Variants in HECTD4 observed in about 807,000 individuals in gnomAD.
HECTD4 encodes the protein probable E3 ubiquitin-protein ligase HECTD4.
In HECTD4, 114 loss-of-function variants were observed where a neutral mutation model predicts 471.5. That is an observed-to-expected ratio of 0.24 (90% CI 0.21 to 0.28). The LOEUF (loss-of-function observed/expected upper bound fraction) is 0.28. HECTD4 is among the 10% of genes least tolerant of loss of function. HECTD4 has a pLI of 1.00. For synonymous variants in HECTD4, 2,012 were observed against 2,256.0 expected, an observed-to-expected ratio of 0.89 and a Z score of 3.07; for missense variants, 3,866 against 5,651.5, an observed-to-expected ratio of 0.68 and a Z score of 10.13.
chr12:112,243,803 C>T lies in HECTD4; in HGVS notation c.4650-42G>A. The T allele has an allele frequency of 6.2e-7, 1 of 1,609,780 alleles. No homozygotes were observed. Among genetic ancestry groups the T allele is most frequent in the Non-Finnish European group, 8.5e-7 (1 of 1,176,666 alleles). On this transcript the variant is annotated intron_variant, in intron 30 of 75. Transcript: ENST00000682272. This position sits in a 1 kb window ranked among gnomAD's most constrained non-coding sequence, Gnocchi z 6.6. ...ACAGACTGGCAAGACGAGAAACACACTCAGGGAGCTTGTTTTGATGAATGC... is the reference window on the plus strand; with the variant it reads ...ACAGACTGGCAAGACGAGAAACACATTCAGGGAGCTTGTTTTGATGAATGC...
chr12:112,344,912 C>G (rs1282985017), intron 1 of HECTD4, among the ~76,000 whole-genome samples: 1 of 151,462 alleles, frequency 6.6e-6, no homozygotes, highest in African/African-American at 2.4e-5. Flanking sequence ...GAATGAAACT[C>G]CGTCTCAAAA....
chr12:112,177,857 C>T (rs1220256990), intron 64 of HECTD4, among the ~76,000 whole-genome samples: 1 of 152,182 alleles, frequency 6.6e-6, no homozygotes, highest in East Asian at 1.9e-4. Context: ...CCAAAAGCTA[C>T]AGAAGTAACC....
At chr12:112,314,404 G>A (rs552380601) in intron 3 of HECTD4, 53 bp downstream of exon 3, 1 of 865,594 alleles carries the variant, frequency 1.2e-6, no homozygotes, top group South Asian at 1.5e-5. Context: ...GAAGCATTTG[G>A]CACAAATCTG....
chr12:112,234,398 T>C (rs1456792290), intron 37 of HECTD4, among the ~76,000 whole-genome samples: 2 of 152,154 alleles, frequency 1.3e-5, no homozygotes, highest in African/African-American at 2.4e-5. Context: ...TCAGTTGCCA[T>C]AATGGCAGAC....
At chr12:112,324,049 T>TTCCTTCCTTCCTTC (rs2035679196) in intron 1 of HECTD4, among the ~76,000 whole-genome samples, 1 of 55,204 alleles carries the variant, frequency 1.8e-5, no homozygotes, top group Non-Finnish European at 2.9e-5. Context: ...TTCCTTCCTT[T>TTCCTTCCTTCCTTC]CTTTCTTTCT....
intron 1 of HECTD4, among the ~76,000 whole-genome samples, chr12:112,325,816 T>C (rs2135709736): frequency 6.6e-6 from 1 of 151,814 alleles, no homozygotes; most frequent in Admixed American, 6.6e-5. Flanking sequence ...TGTTGCCGTT[T>C]TTTTTTTTTT....
intron 49 of HECTD4, among the ~76,000 whole-genome samples, chr12:112,211,347 C>T (rs899958523): frequency 2.6e-5 from 4 of 152,016 alleles, no homozygotes; most frequent in African/African-American, 9.7e-5. Flanking sequence ...TCCAGAGCAG[C>T]GGGGACTACT....
chr12:112,195,451 C>A (rs1199267595), intron 55 of HECTD4, among the ~76,000 whole-genome samples: 3 of 152,118 alleles, frequency 2.0e-5, no homozygotes, highest in South Asian at 2.1e-4. Context: ...GACTGACATA[C>A]GCCACAATGG....
At chr12:112,337,292 AT>A (rs34804809) in intron 1 of HECTD4, among the ~76,000 whole-genome samples, 1 of 152,172 alleles carries the variant, frequency 6.6e-6, no homozygotes, top group African/African-American at 2.4e-5. Flanking sequence ...TATGAGCAAT[AT>A]TTTTATCATC....
chr12:112,372,620 G>A (rs1415267546), intron 1 of HECTD4, among the ~76,000 whole-genome samples: 1 of 151,916 alleles, frequency 6.6e-6, no homozygotes, highest in Non-Finnish European at 1.5e-5. Flanking sequence ...TGTAGAGATG[G>A]GATCTTGCTA....
chr12:112,276,691 C>T (rs1279025115), intron 9 of HECTD4, among the ~76,000 whole-genome samples: 1 of 152,146 alleles, frequency 6.6e-6, no homozygotes, highest in African/African-American at 2.4e-5. Flanking sequence ...ATGATCTGCC[C>T]GCCACAGCCT....
rs888220178 is a variant in HECTD4, at chr12:112,258,565, A to T, written c.3059T>A (p.Val1020Asp). Residue 1020 changes from valine to aspartate, a missense_variant, in exon 20 of 76, where the codon GTT (valine) becomes GAT (aspartate). This residue lies in a region of HECTD4 where 525 missense variants were observed against 672.6 expected (regional missense o/e 0.78). Transcript: ENST00000682272. The stretch of plus-strand genomic sequence containing the variant: ...CGGGGAACAGCCCACCTCAGCAAAA[A>T]CCGGACACTGGGTTTTAAGCAGCAA... ...TALLLKTQCP[V>D]FAEVGCSPCG... is the part of the protein sequence containing the mutation. 3 of 1,606,564 alleles carry T rather than the reference A, an allele frequency of 1.9e-6. No individual in the cohort carries two copies. The highest frequency in any genetic ancestry group is 2.5e-6 in the Non-Finnish European group (3 of 1,177,122).
chr12:112,236,950 G>A lies in HECTD4; in HGVS notation c.5439C>T (p.Leu1813=). The A allele has an allele frequency of 6.2e-7, 1 of 1,609,748 alleles. No homozygotes were observed. Among genetic ancestry groups the A allele is most frequent in the Non-Finnish European group, 8.5e-7 (1 of 1,177,760 alleles). ...CCAGGCTGGACCTTGCATACCTTGA[G>A]AGATCATTGAGAAGACTAAGGACAT... is the stretch of plus-strand genomic sequence containing the variant. The part of the protein sequence containing the change: ...LQDVLSLLND[L]SRSHIGKAIL... Residue 1813 remains leucine (L), a synonymous_variant, in exon 35 of 76, where the codon CTC becomes CTT. Transcript: ENST00000682272.
At chr12:112,285,018 T>C (rs2135644574) in intron 7 of HECTD4, among the ~76,000 whole-genome samples, 1 of 152,188 alleles carries the variant, frequency 6.6e-6, no homozygotes, top group South Asian at 2.1e-4. Context: ...TAATATTTTT[T>C]GTAGAGACAG....
chr12:112,381,851 C>T lies in HECTD4; in HGVS notation c.177+101G>A. ...CACACACACCTGCCCCGGCAGCCGCCGGGAGGCGAGGCCGCGGCTGAGGCG... is the reference window on the plus strand; with the variant it reads ...CACACACACCTGCCCCGGCAGCCGCTGGGAGGCGAGGCCGCGGCTGAGGCG... On this transcript the variant is annotated intron_variant, in intron 1 of 75. Coordinates refer to ENST00000682272, the MANE Select transcript of HECTD4 (RefSeq NM_001388303.1). The surrounding 1 kb of genome is among the most constrained non-coding windows in gnomAD (Gnocchi z 4.1). The T allele has an allele frequency of 1.2e-6, 1 of 863,916 alleles. No individual in the cohort carries two copies. The highest frequency in any genetic ancestry group is 1.5e-6 in the Non-Finnish European group (1 of 659,168). 53.5% of individuals were successfully genotyped at this position (863,916 alleles called of 1,614,324 possible).
chr12:112,367,747 G>C (rs2036592479), intron 1 of HECTD4, among the ~76,000 whole-genome samples: 1 of 150,320 alleles, frequency 6.7e-6, no homozygotes, highest in African/African-American at 2.5e-5. Context: ...CTTGAACCCG[G>C]GAGGCAGAGG....
chr12:112,276,391 A>C (rs1160366181), intron 9 of HECTD4, among the ~76,000 whole-genome samples: 1 of 152,112 alleles, frequency 6.6e-6, no homozygotes. Flanking sequence ...AGGAAAAAAG[A>C]GGGGGAAAAA....
intron 1 of HECTD4, among the ~76,000 whole-genome samples, chr12:112,337,338 A>AT (rs35990761): frequency 6.6e-6 from 1 of 152,140 alleles, no homozygotes; most frequent in Non-Finnish European, 1.5e-5. Flanking sequence ...GGGGTAATAC[A>AT]TTTTCTGGGA....
At chr12:112,247,961 A>G (rs1331228031) in intron 27 of HECTD4, 106 bp downstream of exon 27, 2 of 739,870 alleles carry the variant, frequency 2.7e-6, no homozygotes, top group East Asian at 3.6e-5. Context: ...ATTTTAGGAA[A>G]TGACATTATT....
Sources: gnomAD v4.1 joint callset for allele counts (sites outside exome capture counted in the v4.1 genomes callset) on GRCh38, gnomAD v4.1.1 for gene constraint, gnomAD v4.1.1 regional missense constraint, Gnocchi (gnomAD v3.1) non-coding constraint, MANE v1.5 for transcripts, NCBI Gene and HGNC (gene_info 2026-07-23, HGNC 2026-07-21) for gene names.